The following NRXN3 variants were observed in gnomAD, a reference collection of about 807,000 sequenced individuals.
NRXN3 encodes neurexin III.
A neutral mutation model predicts 137.6 loss-of-function variants in NRXN3; 32 were observed. The observed-to-expected ratio is 0.23, with a 90% CI of 0.18 to 0.31. The LOEUF (loss-of-function observed/expected upper bound fraction) is 0.31, where lower values mean the gene tolerates loss of function less well. Ranked by LOEUF, NRXN3 falls within the 10% of genes least tolerant of loss-of-function variation. The pLI, the probability that NRXN3 is intolerant of heterozygous loss-of-function variation, is 1.00. For missense variants in NRXN3, 1,574 were observed against 2,062.5 expected, an observed-to-expected ratio of 0.76 and a Z score of 4.59; for synonymous variants, 798 against 784.5, an observed-to-expected ratio of 1.02 and a Z score of -0.29.
intron 4 of NRXN3, chr14:78,403,868 G>A (rs2092293016): frequency 1.2e-5 from 12 of 985,224 alleles, no homozygotes; most frequent in African/African-American, 1.7e-5. Flanking sequence ...AAATTAACTC[G>A]AGCTTGGCAG....
At chr14:78,317,119 G>A (rs779080619) in intron 4 of NRXN3, among the ~76,000 whole-genome samples, 10 of 152,200 alleles carry the variant, frequency 6.6e-5, no homozygotes, top group African/African-American at 1.2e-4. Flanking sequence ...CCTGAGAACC[G>A]ATGGTGTCAA....
intron 4 of NRXN3, among the ~76,000 whole-genome samples, chr14:78,420,355 G>A (rs1174008391): frequency 6.6e-6 from 1 of 152,152 alleles, no homozygotes; most frequent in Non-Finnish European, 1.5e-5. Context: ...ACAGATTTAT[G>A]CCCTTACATA....
intron 16 of NRXN3, among the ~76,000 whole-genome samples, chr14:79,481,531 T>C (rs2096608334): frequency 6.6e-6 from 1 of 152,312 alleles, no homozygotes; most frequent in South Asian, 2.1e-4. Context: ...CTGTAGGCAA[T>C]TGTAATGCAG....
intron 4 of NRXN3, among the ~76,000 whole-genome samples, chr14:78,610,494 C>G (rs2097291584): frequency 6.6e-6 from 1 of 152,064 alleles, no homozygotes; most frequent in Admixed American, 6.6e-5. Flanking sequence ...ATGCCAGGTC[C>G]CCTTCTCTTA....
chr14:79,344,783 A>G (rs1168615191), intron 15 of NRXN3, among the ~76,000 whole-genome samples: 1 of 152,220 alleles, frequency 6.6e-6, no homozygotes. Flanking sequence ...AGTTGACAAT[A>G]TAACTCTTTG....
intron 19 of NRXN3, among the ~76,000 whole-genome samples, chr14:79,717,654 G>T (rs1449866275): frequency 6.6e-6 from 1 of 152,138 alleles, no homozygotes; most frequent in Non-Finnish European, 1.5e-5. Context: ...TGCTCCGTGG[G>T]CTCTTTAGAA....
chr14:79,210,916 TTTTCTC>T (rs2067561379), intron 15 of NRXN3, among the ~76,000 whole-genome samples: 1 of 152,126 alleles, frequency 6.6e-6, no homozygotes, highest in Non-Finnish European at 1.5e-5. Context: ...AAACGATCCT[TTTTCTC>T]TTTTCTGTTT....
intron 16 of NRXN3, among the ~76,000 whole-genome samples, chr14:79,567,585 A>G (rs1187190174): frequency 1.3e-5 from 2 of 152,012 alleles, no homozygotes; most frequent in African/African-American, 2.4e-5. Flanking sequence ...AGCAATATTT[A>G]ACTATTATTT....
chr14:79,226,142 A>T (rs6574502), intron 15 of NRXN3, among the ~76,000 whole-genome samples: 143,894 of 152,190 alleles, frequency 0.95, 68,398 homozygotes, highest in East Asian at 1. Context: ...CCACACATTA[A>T]CTGCAGCTAA....
chr14:79,814,153 T>G (rs571322265), intron 20 of NRXN3, among the ~76,000 whole-genome samples: 20 of 152,328 alleles, frequency 1.3e-4, no homozygotes, highest in Admixed American at 2.6e-4. Context: ...GGGTCCTTGT[T>G]TTTATTATTA....
At chr14:79,760,428 T>A (rs1224434011) in intron 19 of NRXN3, among the ~76,000 whole-genome samples, 4 of 151,082 alleles carry the variant, frequency 2.6e-5, no homozygotes, top group Non-Finnish European at 4.4e-5. Context: ...AACCTTTTTT[T>A]TTTTTTTTAA....
At chr14:78,381,793 TC>T (rs1158202347) in intron 4 of NRXN3, among the ~76,000 whole-genome samples, 3 of 152,170 alleles carry the variant, frequency 2.0e-5, no homozygotes, top group African/African-American at 4.8e-5. Context: ...ACTGGGTGAA[TC>T]CCCAGATAAT....
In NRXN3 at chr14:79,861,120, T is replaced by C. The variant is rs1273244561; in HGVS notation, c.4094-222T>C. ...GCTACTCGTGCACCTTCCATTACACTCCCCCCTACCTTTCGCCCCCTCCTC... is the reference window on the plus strand; with the variant it reads ...GCTACTCGTGCACCTTCCATTACACCCCCCCCTACCTTTCGCCCCCTCCTC... On this transcript the variant is annotated intron_variant, in intron 20 of 20. Transcript: ENST00000335750. The surrounding 1 kb of genome is among the most constrained non-coding windows in gnomAD (Gnocchi z 5.4). 6.8e-7 allele frequency: 1 copy of C among 1,474,784 alleles called. No individual in the cohort carries two copies. Among genetic ancestry groups the C allele is most frequent in the Admixed American group, 2.3e-5 (1 of 43,346 alleles). 91.4% of individuals were successfully genotyped at this position (1,474,784 alleles called of 1,614,324 possible).
chr14:78,239,308 C>A (rs998794936), intron 1 of NRXN3, among the ~76,000 whole-genome samples: 1 of 152,218 alleles, frequency 6.6e-6, no homozygotes, highest in Admixed American at 6.5e-5. Context: ...TTGTCCCCCA[C>A]TAGTTTGTGA....
intron 20 of NRXN3, among the ~76,000 whole-genome samples, chr14:79,842,196 A>G (rs1440937957): frequency 6.6e-6 from 1 of 152,184 alleles, no homozygotes; most frequent in Non-Finnish European, 1.5e-5. Flanking sequence ...TGGAGCTTAT[A>G]TTCCAGTGAA....
At chr14:79,650,490 G>A (rs221457) in intron 16 of NRXN3, among the ~76,000 whole-genome samples, 19,808 of 151,976 alleles carry the variant, frequency 0.13, 1,640 homozygotes, top group African/African-American at 0.22. Context: ...TTTGTCTTAC[G>A]GATGAGGAAA....
At chr14:78,478,846 C>T (rs181972035) in intron 4 of NRXN3, among the ~76,000 whole-genome samples, 8 of 152,288 alleles carry the variant, frequency 5.3e-5, no homozygotes, top group Admixed American at 5.2e-4. Context: ...ATTTTAGAAA[C>T]TCAGCCTCTT....
intron 8 of NRXN3, among the ~76,000 whole-genome samples, chr14:78,799,326 C>A (rs2098831824): frequency 2.0e-5 from 3 of 152,178 alleles, no homozygotes; most frequent in African/African-American, 7.2e-5. Flanking sequence ...GGGCATGGAA[C>A]AAAATGCTGC....
chr14:79,661,354 G>A (rs1468594562), intron 16 of NRXN3, among the ~76,000 whole-genome samples: 1 of 152,106 alleles, frequency 6.6e-6, no homozygotes, highest in Non-Finnish European at 1.5e-5. Flanking sequence ...CTGTATCTCT[G>A]CATCCTTGAA....
Sources: allele counts gnomAD v4.1 joint callset (sites outside exome capture counted in the v4.1 genomes callset), GRCh38; gene constraint gnomAD v4.1.1; non-coding constraint Gnocchi (gnomAD v3.1); transcripts MANE v1.5; gene names NCBI Gene and HGNC (gene_info 2026-07-23, HGNC 2026-07-21).